SOS1: variants seen among roughly 807,000 people sequenced by gnomAD.
SOS1 encodes son of sevenless homolog 1.
A neutral mutation model predicts 157.6 loss-of-function variants in SOS1; 25 were observed. The observed-to-expected ratio is 0.16, with a 90% CI of 0.12 to 0.22. The LOEUF is 0.22. SOS1 is among the 10% of genes least tolerant of loss of function. SOS1 has a pLI of 1.00. For synonymous variants in SOS1, 528 were observed against 534.0 expected, an observed-to-expected ratio of 0.99 and a Z score of 0.16; for missense variants, 1,237 against 1,599.1, an observed-to-expected ratio of 0.77 and a Z score of 3.86.
At chr2:39,089,120 G>C (rs1016826079) in intron 1 of SOS1, among the ~76,000 whole-genome samples, 1 of 152,204 alleles carries the variant, frequency 6.6e-6, no homozygotes, top group Non-Finnish European at 1.5e-5. Flanking sequence ...TACTGACAGA[G>C]TGGCCAGTTA....
chr2:39,093,406 T>C (rs1371063417), intron 1 of SOS1, among the ~76,000 whole-genome samples: 1 of 152,166 alleles, frequency 6.6e-6, no homozygotes, highest in Non-Finnish European at 1.5e-5. Context: ...CACTTTCACT[T>C]CCACCAAGAC....
At chr2:39,037,773 T>C (rs2124567686) in intron 6 of SOS1, among the ~76,000 whole-genome samples, 1 of 152,320 alleles carries the variant, frequency 6.6e-6, no homozygotes, top group East Asian at 1.9e-4. Flanking sequence ...CTTACCATTC[T>C]GAAAATCCTA....
chr2:39,041,977 A>G (rs1670588513), intron 6 of SOS1, among the ~76,000 whole-genome samples: 1 of 151,922 alleles, frequency 6.6e-6, no homozygotes, highest in East Asian at 1.9e-4. Flanking sequence ...TAATGAGTTC[A>G]CTCTTTCTCT....
In SOS1 at chr2:39,035,482, A is replaced by G; in HGVS notation, c.883T>C (p.Tyr295His). 1 of 1,610,018 alleles carries G rather than the reference A, an allele frequency of 6.2e-7. No homozygotes were observed. The highest frequency in any genetic ancestry group is 8.5e-7 in the Non-Finnish European group (1 of 1,176,296). Reference protein sequence around the residue: ...DLAEELAFDPYESYARDILRP... With the variant: ...DLAEELAFDPHESYARDILRP... ...AAAATATCTCGAGCATACGATTCAT[A>G]TGGATCAAATGCCAGTTCCTTAGAA... Residue 295 changes from tyrosine (Y) to histidine (H), a missense_variant, in exon 7 of 23, where the codon TAT (tyrosine) becomes CAT (histidine). Transcript: ENST00000402219.
At chr2:39,022,536 A>C in intron 10 of SOS1, 34 bp downstream of exon 10, 2 of 1,572,046 alleles carry the variant, frequency 1.3e-6, no homozygotes, top group East Asian at 4.5e-5. Flanking sequence ...TGAAGCAGGA[A>C]AACAAAAGTG....
chr2:39,004,913 T>G (rs977390056), intron 17 of SOS1, among the ~76,000 whole-genome samples: 4 of 152,180 alleles, frequency 2.6e-5, no homozygotes, highest in African/African-American at 9.7e-5. Flanking sequence ...ATTTGCTTTG[T>G]CATACACTTG....
upstream of SOS1, chr2:39,124,389 A>G (rs1055243432): frequency 1.2e-4 from 18 of 152,346 alleles, no homozygotes; most frequent in African/African-American, 4.1e-4. Flanking sequence ...GCCACGGCGG[A>G]CGTGACGCAC....
intron 10 of SOS1, 196 bp downstream of exon 10, chr2:39,022,374 G>GT (rs376850132): frequency 1.7e-6 from 1 of 582,666 alleles, no homozygotes. Flanking sequence ...TGATGGTAAG[G>GT]TTAAAAAAAA....
chr2:38,995,263 G>C lies in SOS1; in HGVS notation c.3206C>G (p.Pro1069Arg). The change falls in exon 20 of 23, where the codon CCT becomes CGT. Residue 1069 changes from proline to arginine, a missense_variant. Coordinates refer to ENST00000402219, the MANE Select transcript of SOS1 (RefSeq NM_005633.4). ...EPRKISYSRI[P>R]ESETESTASA... is the part of the protein sequence containing the mutation. Reference sequence around the variant, plus strand: ...TGCTGTACTTTCTGTTTCACTTTCAGGGATCCTACTATAACTAATTTTCCT... The same window carrying C: ...TGCTGTACTTTCTGTTTCACTTTCACGGATCCTACTATAACTAATTTTCCT... 1 of 1,614,034 alleles carries C rather than the reference G, an allele frequency of 6.2e-7. No individual in the cohort carries two copies. Among genetic ancestry groups the C allele is most frequent in the Non-Finnish European group, 8.5e-7 (1 of 1,179,940 alleles).
chr2:39,059,324 A>T lies in SOS1; in HGVS notation c.214-520T>A, dbSNP rs145510424. On this transcript the variant is annotated intron_variant, in intron 2 of 22. Transcript: ENST00000402219. ...GGTGACAGCAATTTTAATACATTGT[A>T]GTTTCTTTAAAGTCCTCCCATAGTC... 7.3e-4 allele frequency among the ~76,000 whole-genome samples: 111 copies of T among 152,314 alleles called. 1 individual carries two copies. In the Middle Eastern group the frequency reaches 0.01, roughly 14 times the overall value.
At chr2:39,086,723 G>C (rs948446204) in intron 1 of SOS1, among the ~76,000 whole-genome samples, 2 of 152,136 alleles carry the variant, frequency 1.3e-5, no homozygotes, top group Non-Finnish European at 2.9e-5. Context: ...AACATGGCTG[G>C]ATGTTCTAGG....
chr2:39,124,647 C>G (rs990879885), upstream of SOS1, among the ~76,000 whole-genome samples: 4 of 152,252 alleles, frequency 2.6e-5, no homozygotes, highest in African/African-American at 7.2e-5. Context: ...ACGCGAACTT[C>G]GGACCCAGCT....
intron 10 of SOS1, 68 bp downstream of exon 10, chr2:39,022,502 C>T (rs1426573226): frequency 8.0e-7 from 1 of 1,248,350 alleles, no homozygotes; most frequent in Admixed American, 1.7e-5. Flanking sequence ...GCACAATAAA[C>T]CCATGCAGGA....
chr2:39,014,657 C>A, intron 11 of SOS1, 108 bp downstream of exon 11: 1 of 558,182 alleles, frequency 1.8e-6, no homozygotes, highest in Non-Finnish European at 3.3e-6. Flanking sequence ...TGAAAAAGTG[C>A]TTGTGAAGTA....
chr2:39,012,368 A>C lies in SOS1; in HGVS notation c.2168-20T>G. ...CTTTACCTGCAATACATTATATTTTAAATAACATTTAAATATTCTTTATTT... is the reference window on the plus strand; with the variant it reads ...CTTTACCTGCAATACATTATATTTTCAATAACATTTAAATATTCTTTATTT... On this transcript the variant is annotated intron_variant, in intron 13 of 22. Transcript: ENST00000402219. The C allele has an allele frequency of 1.7e-6, 2 of 1,193,050 alleles. No individual in the cohort carries two copies. 73.9% of individuals were successfully genotyped at this position (1,193,050 alleles called of 1,614,324 possible). A position where few individuals can be genotyped will look rare whatever the true frequency, so the allele number is the denominator to read the frequency against.
rs1668600481 is a variant in SOS1 at position 38,987,844 on chromosome 2, T to C, written c.3392-253A>G. The C allele has an allele frequency of 7.1e-6, 3 of 421,644 alleles. No individual in the cohort carries two copies. In the South Asian group the frequency reaches 7.5e-5, roughly 11 times the overall value. 26.1% of individuals were successfully genotyped at this position (421,644 alleles called of 1,614,324 possible). A position where few individuals can be genotyped will look rare whatever the true frequency, so the allele number is the denominator to read the frequency against. On this transcript the variant is annotated intron_variant, in intron 21 of 22. Coordinates refer to ENST00000402219, the MANE Select transcript of SOS1 (RefSeq NM_005633.4). ...GTTATTTTGCCTGAACAAAATAACA[T>C]TCCCATGGTTACTCTATTATTGAAA...
At chr2:39,010,756 A>G (rs1460729293) in intron 14 of SOS1, 53 bp from the exon 15 acceptor site, 1 of 1,416,584 alleles carries the variant, frequency 7.1e-7, no homozygotes, top group Admixed American at 1.7e-5. Context: ...TAATATAGAC[A>G]TTGTTTTATT....
chr2:39,087,382 T>A (rs762507442), intron 1 of SOS1, among the ~76,000 whole-genome samples: 27 of 152,250 alleles, frequency 1.8e-4, no homozygotes, highest in Admixed American at 3.3e-4. Flanking sequence ...CATGTTTACA[T>A]AATAAAGTGG....
At chr2:39,117,186 G>A (rs564480241) in intron 1 of SOS1, among the ~76,000 whole-genome samples, 2 of 151,952 alleles carry the variant, frequency 1.3e-5, no homozygotes, top group African/African-American at 4.8e-5. Flanking sequence ...CCACCACCAC[G>A]CCAGGCTAAT....
Sources: gnomAD v4.1 joint callset for allele counts (sites outside exome capture counted in the v4.1 genomes callset) on GRCh38, gnomAD v4.1.1 for gene constraint, MANE v1.5 for transcripts, NCBI Gene and HGNC (gene_info 2026-07-23, HGNC 2026-07-21) for gene names.